Variants in NRCAM observed in about 807,000 individuals in gnomAD.
NRCAM encodes neuronal cell adhesion molecule.
A neutral mutation model predicts 156.5 loss-of-function variants in NRCAM; 83 were observed. That is an observed-to-expected ratio of 0.53 (90% CI 0.44 to 0.64). NRCAM has a LOEUF of 0.64. Ranked by LOEUF, NRCAM falls within the 30% of genes least tolerant of loss-of-function variation. NRCAM has a pLI of 0.00. For missense variants in NRCAM, 1,417 were observed against 1,597.3 expected (o/e 0.89, Z 1.92); for synonymous variants, 538 against 563.9 (o/e 0.95, Z 0.65).
chr7:108,159,852 G>A (rs1322994839), intron 31 of NRCAM, among the ~76,000 whole-genome samples: 2 of 151,512 alleles, frequency 1.3e-5, no homozygotes, highest in Non-Finnish European at 2.9e-5. Context: ...GTTGAAAATT[G>A]TTTTTGTAAG....
chr7:108,237,722 C>A (rs2095208960), intron 5 of NRCAM, 30 bp downstream of exon 5: 1 of 1,536,186 alleles, frequency 6.5e-7, no homozygotes, highest in Non-Finnish European at 8.8e-7. Flanking sequence ...CATTTTCACA[C>A]TGCCTAGTAA....
chr7:108,297,027 C>T (rs1350368414), intron 3 of NRCAM, among the ~76,000 whole-genome samples: 4 of 152,142 alleles, frequency 2.6e-5, no homozygotes, highest in Non-Finnish European at 5.9e-5. Flanking sequence ...GTGGCTGTGT[C>T]GATTAAGAGC....
intron 3 of NRCAM, among the ~76,000 whole-genome samples, chr7:108,306,477 A>G (rs1462337864): frequency 6.6e-6 from 1 of 152,204 alleles, no homozygotes; most frequent in African/African-American, 2.4e-5. Context: ...CATTTCTTCT[A>G]TGGCTGAACC....
In NRCAM at chr7:108,391,569, T is replaced by C. The variant is rs542356925; in HGVS notation, c.-174+7867A>G. Among the ~76,000 whole-genome samples the C allele has an allele frequency of 8.3e-4, 126 of 152,252 alleles. 1 individual carries two copies. The highest frequency in any genetic ancestry group is 6.8e-3 in the Admixed American group (104 of 15,290). ...TCTTTTAATTGGAGCATTTAGCCCA[T>C]TTACATTTAAGGTTAATATTGTTAT... On this transcript the variant is annotated intron_variant, in intron 2 of 32. Coordinates refer to ENST00000379028, the MANE Select transcript of NRCAM (RefSeq NM_001037132.4).
At chr7:108,408,864 T>C (rs994999252) in intron 1 of NRCAM, among the ~76,000 whole-genome samples, 2 of 152,164 alleles carry the variant, frequency 1.3e-5, no homozygotes, top group African/African-American at 4.8e-5. Flanking sequence ...CTCCTTGGGT[T>C]CAGTGGGATG....
intron 2 of NRCAM, among the ~76,000 whole-genome samples, chr7:108,355,934 T>G (rs1350486729): frequency 2.8e-5 from 4 of 142,574 alleles, no homozygotes; most frequent in African/African-American, 9.9e-5. Flanking sequence ...AGTAATACAG[T>G]ACAGTAAGAT....
chr7:108,303,483 C>G (rs983757974), intron 3 of NRCAM, among the ~76,000 whole-genome samples: 1 of 152,182 alleles, frequency 6.6e-6, no homozygotes, highest in African/African-American at 2.4e-5. Flanking sequence ...CACCAGTACT[C>G]CAATCTATTC....
At chr7:108,306,522 C>T (rs922958320) in intron 3 of NRCAM, among the ~76,000 whole-genome samples, 2 of 152,130 alleles carry the variant, frequency 1.3e-5, no homozygotes, top group Non-Finnish European at 2.9e-5. Context: ...CTTTCTAATC[C>T]TTTTGGTCTT....
intron 2 of NRCAM, among the ~76,000 whole-genome samples, chr7:108,390,566 A>T (rs868330721): frequency 6.6e-6 from 1 of 151,696 alleles, no homozygotes; most frequent in South Asian, 2.1e-4. Flanking sequence ...TCGTGTCTCT[A>T]TCTCCTTCAG....
intron 32 of NRCAM, chr7:108,156,432 G>T: frequency 1.0e-6 from 1 of 983,876 alleles, no homozygotes; most frequent in Non-Finnish European, 1.2e-6. Flanking sequence ...TGCTAGTAAG[G>T]ATGCAGATCC....
chr7:108,243,955 T>C (rs1197443180), intron 3 of NRCAM, among the ~76,000 whole-genome samples: 3 of 152,330 alleles, frequency 2.0e-5, no homozygotes, highest in African/African-American at 7.2e-5. Flanking sequence ...AGAGCAAATA[T>C]TCCCCTGCAT....
rs189620359 is a variant in NRCAM at position 108,188,228 on chromosome 7, G to C, written c.2035+1417C>G. On this transcript the variant is annotated intron_variant, in intron 20 of 32. Coordinates refer to ENST00000379028, the MANE Select transcript of NRCAM (RefSeq NM_001037132.4). ...CTGCATTAGGCACGTGTGACTTCTG[G>C]GACCTTTGCTGTGCCCAGTCACTGG... Among the ~76,000 whole-genome samples, 55 of 152,190 alleles carry C rather than the reference G, an allele frequency of 3.6e-4. No homozygotes were observed. In the East Asian group the frequency reaches 0.011, roughly 30 times the overall value.
intron 10 of NRCAM, among the ~76,000 whole-genome samples, chr7:108,225,079 T>C (rs2093209739): frequency 6.6e-6 from 1 of 152,218 alleles, no homozygotes; most frequent in Non-Finnish European, 1.5e-5. Flanking sequence ...TCTAAAATAA[T>C]GAAGGTAAAT....
intron 28 of NRCAM, among the ~76,000 whole-genome samples, chr7:108,174,045 C>T (rs1380839573): frequency 6.6e-6 from 1 of 152,062 alleles, no homozygotes; most frequent in Non-Finnish European, 1.5e-5. Context: ...TAGTGAAATG[C>T]TCCAATTGAA....
chr7:108,441,603 C>T (rs1031152852), intron 1 of NRCAM, among the ~76,000 whole-genome samples: 3 of 152,186 alleles, frequency 2.0e-5, no homozygotes, highest in South Asian at 2.1e-4. Flanking sequence ...GCAGGAATTA[C>T]GACTGAGGGA....
chr7:108,365,011 G>T (rs920333539), intron 2 of NRCAM, among the ~76,000 whole-genome samples: 1 of 152,094 alleles, frequency 6.6e-6, no homozygotes, highest in Non-Finnish European at 1.5e-5. Context: ...ATAATATAGT[G>T]CCAAAGACAG....
chr7:108,413,976 G>A (rs1192746183), intron 1 of NRCAM, among the ~76,000 whole-genome samples: 2 of 152,060 alleles, frequency 1.3e-5, no homozygotes, highest in South Asian at 2.1e-4. Flanking sequence ...CTACACCCCT[G>A]CACCCTCATC....
intron 1 of NRCAM, among the ~76,000 whole-genome samples, chr7:108,433,779 T>C (rs1217244548): frequency 6.6e-6 from 1 of 152,232 alleles, no homozygotes; most frequent in Non-Finnish European, 1.5e-5. Flanking sequence ...ACCAAGCTTC[T>C]TGTATAGCCT....
chr7:108,326,911 GA>G (rs1414980522), intron 2 of NRCAM, among the ~76,000 whole-genome samples: 1 of 152,196 alleles, frequency 6.6e-6, no homozygotes, highest in East Asian at 1.9e-4. Flanking sequence ...AGGCAATCAT[GA>G]AACCCATGTA....
Sources: allele counts gnomAD v4.1 joint callset (sites outside exome capture counted in the v4.1 genomes callset), GRCh38; gene constraint gnomAD v4.1.1; transcripts MANE v1.5; gene names NCBI Gene and HGNC (gene_info 2026-07-23, HGNC 2026-07-21).